KYNU: variants seen among roughly 807,000 people sequenced by gnomAD.
The protein encoded by KYNU is L-kynurenine hydrolase.
Under a neutral mutation model 59.2 loss-of-function variants are expected in KYNU, and 54 were observed. The observed-to-expected ratio is 0.91, with a 90% CI of 0.73 to 1.14. The LOEUF is 1.14. Among genes scored for constraint, KYNU ranks in the 50% most tolerant of loss-of-function variants. The pLI, the probability that KYNU is intolerant of heterozygous loss-of-function variation, is 0.00. For synonymous variants in KYNU, 177 were observed against 192.0 expected, an observed-to-expected ratio of 0.92 and a Z score of 0.65; for missense variants, 567 against 554.4, an observed-to-expected ratio of 1.02 and a Z score of -0.23.
intron 8 of KYNU, among the ~76,000 whole-genome samples, chr2:142,964,130 C>A (rs1246577225): frequency 7.0e-6 from 1 of 142,568 alleles, no homozygotes; most frequent in African/African-American, 2.7e-5. Context: ...TTTTTTTTTT[C>A]TATTTCAGTG....
chr2:143,049,151 T>C lies in KYNU; in HGVS notation c.*6979T>C, dbSNP rs1010834940. On this transcript the variant is annotated 3_prime_UTR_variant, in exon 14 of 14. Transcript: ENST00000264170. ...GTATATGTTAGAATTTTTCACTCTC[T>C]CCTTTATGCCTTTAACTTCATATTT... 2.0e-5 allele frequency: 3 copies of C among 152,230 alleles called. No individual in the cohort carries two copies. Among genetic ancestry groups the C allele is most frequent in the Admixed American group, 1.3e-4 (2 of 15,272 alleles). The allele number at this position is 152,230 out of a possible 1,614,324, so 9.4% of individuals were successfully genotyped here. A position where few individuals can be genotyped will look rare whatever the true frequency, so the allele number is the denominator to read the frequency against.
At chr2:143,041,370 CT>C (rs1283846276) in intron 13 of KYNU, among the ~76,000 whole-genome samples, 2 of 152,022 alleles carry the variant, frequency 1.3e-5, no homozygotes, top group African/African-American at 4.8e-5. Flanking sequence ...TCAAACTCTG[CT>C]GTCGTCAAAC....
In KYNU at chr2:142,907,502, G is replaced by A. The variant is rs902639293; in HGVS notation, c.170-11107G>A. The stretch of plus-strand genomic sequence containing the variant: ...GAGTCAATGGCGGGTCTGCAATGGT[G>A]GCAAATAGCAGTTGTGGATGGTGAG... On this transcript the variant is annotated intron_variant, in intron 2 of 13. Coordinates refer to ENST00000264170, the MANE Select transcript of KYNU (RefSeq NM_003937.3). Among the ~76,000 whole-genome samples, 6 of 152,178 alleles carry A rather than the reference G, an allele frequency of 3.9e-5. 1 individual carries two copies. The South Asian group carries it at 1.2e-3, about 31-fold the overall frequency.
chr2:143,031,319 T>C (rs1686730321), intron 11 of KYNU, among the ~76,000 whole-genome samples: 1 of 152,264 alleles, frequency 6.6e-6, no homozygotes, highest in Non-Finnish European at 1.5e-5. Context: ...TTTTAAGCTT[T>C]CTAGGCTATA....
chr2:143,007,256 G>T (rs2105195710), intron 10 of KYNU, among the ~76,000 whole-genome samples: 1 of 149,744 alleles, frequency 6.7e-6, no homozygotes, highest in East Asian at 1.9e-4. Context: ...ACTACATGAA[G>T]AATGCAGAAG....
chr2:142,895,691 T>C lies in KYNU; in HGVS notation c.169+10155T>C, dbSNP rs938316214. On this transcript the variant is annotated intron_variant, in intron 2 of 13. Coordinates refer to ENST00000264170, the MANE Select transcript of KYNU (RefSeq NM_003937.3). ...ACAGGTCTCATGTATTCTTTTTTTA[T>C]TTTTATTTTTTTAGAAAAGGTCTTG... Among the ~76,000 whole-genome samples the C allele has an allele frequency of 5.3e-5, 8 of 152,238 alleles. No individual in the cohort carries two copies. The East Asian group carries it at 1.5e-3, about 29-fold the overall frequency.
At chr2:142,988,843 A>C in intron 10 of KYNU, 1 of 1,600,106 alleles carries the variant, frequency 6.2e-7, no homozygotes, top group Non-Finnish European at 8.6e-7. Context: ...CATTTGCATT[A>C]GGAGATCGGA....
At chr2:142,909,344 T>G (rs1682406152) in intron 2 of KYNU, among the ~76,000 whole-genome samples, 1 of 147,482 alleles carries the variant, frequency 6.8e-6, no homozygotes, top group Non-Finnish European at 1.5e-5. Flanking sequence ...GCTGTTTGTA[T>G]TTTTTTTTTA....
At chr2:142,905,950 T>C (rs964041096) in intron 2 of KYNU, among the ~76,000 whole-genome samples, 1 of 152,106 alleles carries the variant, frequency 6.6e-6, no homozygotes, top group African/African-American at 2.4e-5. Flanking sequence ...GGGCACACTG[T>C]TTTTCTTTAC....
chr2:142,918,437 A>G (rs1443407700), intron 2 of KYNU, among the ~76,000 whole-genome samples, 172 bp from the exon 3 acceptor site: 1 of 152,204 alleles, frequency 6.6e-6, no homozygotes, highest in Non-Finnish European at 1.5e-5. Flanking sequence ...TTAAATGTAA[A>G]TGCAAAACTT....
intron 1 of KYNU, among the ~76,000 whole-genome samples, chr2:142,882,909 T>A (rs1475551497): frequency 6.6e-6 from 1 of 152,190 alleles, no homozygotes; most frequent in African/African-American, 2.4e-5. Context: ...CACCACACTG[T>A]CTTCCACAAT....
chr2:143,048,854 G>A lies in KYNU; in HGVS notation c.*6682G>A, dbSNP rs1558992231. ...ATTAAAAAGTCAGGAAACAATAGAT[G>A]CTGGTGAGGCTGTGGAGAAATAAGA... is the stretch of plus-strand genomic sequence containing the variant. On this transcript the variant is annotated 3_prime_UTR_variant, in exon 14 of 14. Coordinates refer to ENST00000264170, the MANE Select transcript of KYNU (RefSeq NM_003937.3). 6.6e-6 allele frequency: 1 copy of A among 152,166 alleles called. No individual in the cohort carries two copies. Among genetic ancestry groups the A allele is most frequent in the Non-Finnish European group, 1.5e-5 (1 of 68,024 alleles). 9.4% of individuals were successfully genotyped at this position (152,166 alleles called of 1,614,324 possible). A position where few individuals can be genotyped will look rare whatever the true frequency, so the allele number is the denominator to read the frequency against.
intron 2 of KYNU, among the ~76,000 whole-genome samples, chr2:142,906,129 T>C (rs1190763900): frequency 6.6e-6 from 1 of 152,046 alleles, no homozygotes; most frequent in Non-Finnish European, 1.5e-5. Context: ...TCTGTCTCTG[T>C]AGATGGATTT....
chr2:143,000,966 G>A (rs1053458827), intron 10 of KYNU, among the ~76,000 whole-genome samples: 1 of 152,090 alleles, frequency 6.6e-6, no homozygotes, highest in African/African-American at 2.4e-5. Flanking sequence ...TGAGTCTCTG[G>A]TTTCATATCC....
intron 8 of KYNU, among the ~76,000 whole-genome samples, chr2:142,965,976 T>A (rs1041701067): frequency 6.6e-6 from 1 of 152,122 alleles, no homozygotes; most frequent in African/African-American, 2.4e-5. Context: ...TTGCTCTCTC[T>A]CTTTCTTTTT....
chr2:142,952,236 C>T (rs560296582), intron 4 of KYNU, among the ~76,000 whole-genome samples: 1 of 152,080 alleles, frequency 6.6e-6, no homozygotes, highest in East Asian at 1.9e-4. Flanking sequence ...CCACCACATC[C>T]AGCTGTTTTT....
intron 2 of KYNU, among the ~76,000 whole-genome samples, chr2:142,886,078 T>C (rs1312778162): frequency 2.6e-5 from 4 of 152,236 alleles, no homozygotes; most frequent in Admixed American, 2.6e-4. Flanking sequence ...CATTTTAAAA[T>C]AATGTAGTAA....
intron 10 of KYNU, chr2:142,988,814 A>G (rs1411242160): frequency 2.0e-6 from 3 of 1,484,390 alleles, no homozygotes; most frequent in Non-Finnish European, 2.8e-6. Flanking sequence ...TTCTGTACCA[A>G]GTATCTTATA....
intron 1 of KYNU, among the ~76,000 whole-genome samples, chr2:142,881,078 C>T (rs973174056): frequency 6.6e-6 from 1 of 152,166 alleles, no homozygotes; most frequent in Non-Finnish European, 1.5e-5. Flanking sequence ...AGCATTGGAG[C>T]ATTAGGTCTT....
Sources: gnomAD v4.1 joint callset for allele counts (sites outside exome capture counted in the v4.1 genomes callset) on GRCh38, gnomAD v4.1.1 for gene constraint, MANE v1.5 for transcripts, NCBI Gene and HGNC (gene_info 2026-07-23, HGNC 2026-07-21) for gene names.